IPO11: variants seen among roughly 807,000 people sequenced by gnomAD.
IPO11 encodes importin 11, also known as importin-11.
A neutral mutation model predicts 143.2 loss-of-function variants in IPO11; 66 were observed. That is an observed-to-expected ratio of 0.46 (90% CI 0.38 to 0.57). The LOEUF is 0.57. Ranked by LOEUF, IPO11 falls within the 20% of genes least tolerant of loss-of-function variation. IPO11 has a pLI of 0.00. For missense variants in IPO11, 1,026 were observed against 1,141.0 expected (o/e 0.90, Z 1.45); for synonymous variants, 385 against 377.8 (o/e 1.02, Z -0.22).
chr5:62,518,473 G>C (rs1742099665), intron 20 of IPO11, among the ~76,000 whole-genome samples: 1 of 151,818 alleles, frequency 6.6e-6, no homozygotes, highest in Non-Finnish European at 1.5e-5. Context: ...AATTAATTGG[G>C]TGTGGTGGCG....
chr5:62,536,559 A>G, intron 22 of IPO11, 143 bp from the exon 23 acceptor site: 1 of 897,204 alleles, frequency 1.1e-6, no homozygotes, highest in Non-Finnish European at 1.6e-6. Context: ...AGATATCTGT[A>G]GATACTGGTA....
At chr5:62,457,280 G>A (rs1745195899) in intron 5 of IPO11, among the ~76,000 whole-genome samples, 1 of 151,984 alleles carries the variant, frequency 6.6e-6, no homozygotes, top group African/African-American at 2.4e-5. Context: ...TTGGGGCCAG[G>A]AGTTTGAGAC....
rs112479634 is a variant in IPO11 at position 62,606,092 on chromosome 5, T to C, written c.2763+4244T>C. Among the ~76,000 whole-genome samples the C allele has an allele frequency of 3.3e-3, 498 of 152,096 alleles. 3 individuals carry two copies. Among genetic ancestry groups the C allele is most frequent in the African/African-American group, 0.011 (474 of 41,500 alleles). On this transcript the variant is annotated intron_variant, in intron 29 of 29. Coordinates refer to ENST00000325324, the MANE Select transcript of IPO11 (RefSeq NM_016338.5). ...GGCAAATGAAAACTGTATGTATCTG[T>C]GGTGTACAACATGGTGTTTTAAAAT...
In IPO11 at chr5:62,591,674, T is replaced by C; in HGVS notation, c.2678+2T>C. On this transcript the variant is annotated splice_donor_variant, in intron 28 of 29. Coordinates refer to ENST00000325324, the MANE Select transcript of IPO11 (RefSeq NM_016338.5). LOFTEE classifies it high-confidence loss of function. ...TCCTGAAACAGGAACTTATAAAGAG[T>C]AGGTGCATTATTTAATTAATCATAA... is the stretch of plus-strand genomic sequence containing the variant. 1 of 1,577,684 alleles carries C rather than the reference T, an allele frequency of 6.3e-7. No individual in the cohort carries two copies. The highest frequency in any genetic ancestry group is 8.6e-7 in the Non-Finnish European group (1 of 1,157,350).
intron 26 of IPO11, among the ~76,000 whole-genome samples, chr5:62,553,097 C>G (rs780709160): frequency 6.6e-5 from 10 of 152,116 alleles, no homozygotes; most frequent in Admixed American, 1.3e-4. Context: ...ACCAATATCT[C>G]TCTCTCTCCT....
At chr5:62,599,311 A>G (rs762286352) in intron 28 of IPO11, among the ~76,000 whole-genome samples, 44 of 152,244 alleles carry the variant, frequency 2.9e-4, no homozygotes, top group Non-Finnish European at 5.3e-4. Flanking sequence ...AGCTTTTTTT[A>G]GACAATTGCA....
chr5:62,465,179 G>A (rs974543443), intron 5 of IPO11, among the ~76,000 whole-genome samples: 8 of 152,084 alleles, frequency 5.3e-5, no homozygotes, highest in African/African-American at 7.2e-5. Context: ...CCTCTTCTGC[G>A]TCTAAATCCT....
intron 1 of IPO11, among the ~76,000 whole-genome samples, chr5:62,423,491 G>A (rs1743589573): frequency 1.3e-5 from 2 of 152,198 alleles, no homozygotes; most frequent in Admixed American, 6.5e-5. Flanking sequence ...GCGCTTTACT[G>A]TCTACAGCAG....
intron 15 of IPO11, among the ~76,000 whole-genome samples, chr5:62,492,479 C>T (rs1359064712): frequency 1.3e-5 from 2 of 152,154 alleles, no homozygotes; most frequent in African/African-American, 4.8e-5. Flanking sequence ...TTTTAAATTC[C>T]TTTAGGTGTG....
chr5:62,545,642 A>G (rs1743143161), intron 24 of IPO11, among the ~76,000 whole-genome samples: 1 of 152,232 alleles, frequency 6.6e-6, no homozygotes, highest in Non-Finnish European at 1.5e-5. Context: ...AGCAAAGGAA[A>G]CTACCATCAG....
intron 29 of IPO11, among the ~76,000 whole-genome samples, chr5:62,606,480 TAAAAAA>T (rs760722973): frequency 1.2e-4 from 7 of 56,104 alleles, no homozygotes; most frequent in African/African-American, 3.3e-4. Flanking sequence ...GACCCTGTCT[TAAAAAA>T]AAAAAAAAAA....
chr5:62,598,593 G>A (rs1314987689), intron 28 of IPO11, among the ~76,000 whole-genome samples: 8 of 139,312 alleles, frequency 5.7e-5, no homozygotes, highest in Non-Finnish European at 1.2e-4. Context: ...TGCCCAGCCT[G>A]GAGTGCAGTG....
chr5:62,626,357 T>G (rs1746577162), intron 29 of IPO11, among the ~76,000 whole-genome samples: 1 of 152,142 alleles, frequency 6.6e-6, no homozygotes, highest in Admixed American at 6.5e-5. Context: ...ATGGTACATT[T>G]ATCAAAATTA....
At chr5:62,485,791 C>T (rs1011955097) in intron 12 of IPO11, among the ~76,000 whole-genome samples, 26 of 150,248 alleles carry the variant, frequency 1.7e-4, no homozygotes, top group African/African-American at 9.8e-5. Context: ...TTGAGGCTGC[C>T]GTGTGCCATG....
intron 29 of IPO11, among the ~76,000 whole-genome samples, chr5:62,608,348 T>C (rs1745805408): frequency 6.6e-6 from 1 of 152,220 alleles, no homozygotes; most frequent in South Asian, 2.1e-4. Flanking sequence ...TCAGACTTAC[T>C]GTATCTGGGG....
At chr5:62,483,964 T>C in intron 10 of IPO11, 46 bp from the exon 11 acceptor site, 1 of 1,496,792 alleles carries the variant, frequency 6.7e-7, no homozygotes, top group Non-Finnish European at 9.1e-7. Context: ...CCAATGTAGC[T>C]ACAATGTTTG....
At chr5:62,480,595 T>A (rs1193539725) in intron 9 of IPO11, among the ~76,000 whole-genome samples, 3 of 152,192 alleles carry the variant, frequency 2.0e-5, no homozygotes, top group Admixed American at 6.5e-5. Flanking sequence ...TTCTATTTGT[T>A]TGTGTCCTCT....
At chr5:62,589,645 C>G (rs957561254) in intron 27 of IPO11, among the ~76,000 whole-genome samples, 1 of 152,176 alleles carries the variant, frequency 6.6e-6, no homozygotes, top group African/African-American at 2.4e-5. Flanking sequence ...TCCTCACCAA[C>G]AATCATACTC....
At chr5:62,513,445 G>A (rs1233022077) in intron 19 of IPO11, among the ~76,000 whole-genome samples, 1 of 135,440 alleles carries the variant, frequency 7.4e-6, no homozygotes, top group Non-Finnish European at 1.6e-5. Context: ...CGGACGGAGC[G>A]GCTGGCTGGG....
Sources: allele counts gnomAD v4.1 joint callset (sites outside exome capture counted in the v4.1 genomes callset), GRCh38; gene constraint gnomAD v4.1.1; transcripts MANE v1.5; gene names NCBI Gene and HGNC (gene_info 2026-07-23, HGNC 2026-07-21).